ROBO2: variants seen among roughly 807,000 people sequenced by gnomAD.
ROBO2 encodes the protein roundabout homolog 2.
Under a neutral mutation model 160.8 loss-of-function variants are expected in ROBO2, and 53 were observed. That is an observed-to-expected ratio of 0.33 (90% confidence interval 0.26 to 0.41). The LOEUF (loss-of-function observed/expected upper bound fraction) is 0.41. Among genes scored for constraint, ROBO2 ranks in the 10% least tolerant of loss-of-function variants. ROBO2 has a pLI of 1.00. For synonymous variants in ROBO2, 664 were observed against 611.7 expected (o/e 1.09, Z -1.26); for missense variants, 1,577 against 1,722.4 (o/e 0.92, Z 1.49).
intron 2 of ROBO2, among the ~76,000 whole-genome samples, chr3:75,961,408 A>G (rs1253578976): frequency 1.3e-5 from 2 of 151,684 alleles, no homozygotes; most frequent in Non-Finnish European, 3.0e-5. Flanking sequence ...CTGAACTCTG[A>G]TACATTGCTA....
At chr3:77,269,686 A>G (rs2059364189) in intron 2 of ROBO2, among the ~76,000 whole-genome samples, 1 of 152,212 alleles carries the variant, frequency 6.6e-6, no homozygotes, top group Admixed American at 6.5e-5. Flanking sequence ...ACTTTCCCGC[A>G]TATACCATAT....
intron 2 of ROBO2, among the ~76,000 whole-genome samples, chr3:76,216,832 TCCACCCAA>T (rs942467847): frequency 6.6e-6 from 1 of 152,106 alleles, no homozygotes; most frequent in African/African-American, 2.4e-5. Flanking sequence ...TACAGAACTC[TCCACCCAA>T]AATCAACAGA....
At chr3:76,948,668 A>T (rs2078722986) in intron 2 of ROBO2, among the ~76,000 whole-genome samples, 1 of 139,098 alleles carries the variant, frequency 7.2e-6, no homozygotes, top group Admixed American at 7.5e-5. Flanking sequence ...GTTGTACTTA[A>T]TCTGATGTTC....
In ROBO2 at chr3:77,499,294, A is replaced by G. The variant is rs544267251; in HGVS notation, c.806+5912A>G. On this transcript the variant is annotated intron_variant, in intron 5 of 25. Transcript: ENST00000461745. ...AAGCTATTTAAACTCTATGTTTTAC[A>G]TCCTGAAAATATGGCCCAGCAATGT... is the stretch of plus-strand genomic sequence containing the variant. 8.5e-5 allele frequency among the ~76,000 whole-genome samples: 13 copies of G among 152,338 alleles called. No homozygotes were observed. In the South Asian group the frequency reaches 2.5e-3, roughly 29 times the overall value.
At chr3:76,815,371 T>C (rs1302563957) in intron 2 of ROBO2, among the ~76,000 whole-genome samples, 1 of 151,800 alleles carries the variant, frequency 6.6e-6, no homozygotes, top group Non-Finnish European at 1.5e-5. Context: ...ATTTTAAACC[T>C]AATTGTGCAC....
intron 2 of ROBO2, among the ~76,000 whole-genome samples, chr3:76,137,639 G>T (rs966273782): frequency 6.6e-6 from 1 of 151,628 alleles, no homozygotes; most frequent in East Asian, 1.9e-4. Flanking sequence ...AAAGGGTAAA[G>T]GGTTTTAAGA....
intron 2 of ROBO2, among the ~76,000 whole-genome samples, chr3:77,249,834 C>T (rs2153289640): frequency 6.6e-6 from 1 of 150,970 alleles, no homozygotes; most frequent in Non-Finnish European, 1.5e-5. Context: ...TTATATAGGA[C>T]CCATATGCAT....
At chr3:76,950,678 C>A (rs1015687278) in intron 2 of ROBO2, among the ~76,000 whole-genome samples, 1 of 152,064 alleles carries the variant, frequency 6.6e-6, no homozygotes, top group African/African-American at 2.4e-5. Context: ...TACATCCTCC[C>A]TGGTTATAAC....
At chr3:75,995,816 G>C (rs1369424403) in intron 2 of ROBO2, among the ~76,000 whole-genome samples, 4 of 152,360 alleles carry the variant, frequency 2.6e-5, no homozygotes, top group Non-Finnish European at 2.9e-5. Context: ...TTGCATCAGT[G>C]TGTCCTGGAG....
intron 1 of ROBO2, among the ~76,000 whole-genome samples, chr3:75,919,677 TG>T: frequency 6.6e-6 from 1 of 152,284 alleles, no homozygotes; most frequent in East Asian, 1.9e-4. Context: ...GGGCTTTTTT[TG>T]GTTGGTAGGC....
chr3:76,499,850 A>G (rs907110412), intron 2 of ROBO2, among the ~76,000 whole-genome samples: 12 of 152,156 alleles, frequency 7.9e-5, no homozygotes, highest in Admixed American at 5.9e-4. Flanking sequence ...TTTACAGACT[A>G]TGAATTCTCC....
intron 2 of ROBO2, among the ~76,000 whole-genome samples, chr3:76,657,184 G>C (rs1268900041): frequency 6.6e-6 from 1 of 151,874 alleles, no homozygotes; most frequent in Non-Finnish European, 1.5e-5. Context: ...CCAGCACTTT[G>C]GGAAGCCGAG....
At chr3:76,599,404 T>C (rs1174182648) in intron 2 of ROBO2, among the ~76,000 whole-genome samples, 4 of 152,226 alleles carry the variant, frequency 2.6e-5, no homozygotes, top group African/African-American at 9.6e-5. Flanking sequence ...GGACATAATC[T>C]TGTTCTTTTT....
chr3:76,029,221 G>T (rs1322917517), intron 2 of ROBO2, among the ~76,000 whole-genome samples: 1 of 151,906 alleles, frequency 6.6e-6, no homozygotes, highest in African/African-American at 2.4e-5. Context: ...AATTAAAAAT[G>T]GAAGTTAACA....
chr3:77,101,715 G>C (rs1230046412), intron 2 of ROBO2, among the ~76,000 whole-genome samples: 4 of 152,088 alleles, frequency 2.6e-5, no homozygotes, highest in African/African-American at 4.8e-5. Flanking sequence ...GCAGTGAAGT[G>C]GCAAGAATAA....
chr3:76,757,833 C>T (rs1019438176), intron 2 of ROBO2, among the ~76,000 whole-genome samples: 8 of 151,532 alleles, frequency 5.3e-5, no homozygotes, highest in African/African-American at 1.9e-4. Flanking sequence ...AGGACTAAAA[C>T]TTGAGTTAAC....
intron 18 of ROBO2, 127 bp from the exon 20 acceptor site, chr3:77,596,496 A>G (rs1477870669): frequency 8.7e-7 from 1 of 1,150,868 alleles, no homozygotes; most frequent in Non-Finnish European, 1.3e-6. Flanking sequence ...AATTCCAGGG[A>G]GTCTACTTAT....
At chr3:76,854,257 CT>C (rs1454130076) in intron 2 of ROBO2, among the ~76,000 whole-genome samples, 2 of 151,998 alleles carry the variant, frequency 1.3e-5, no homozygotes, top group African/African-American at 4.8e-5. Flanking sequence ...ATATAACCTG[CT>C]CCCTATTAAT....
At position 76,630,121 on chromosome 3, in the gene ROBO2, G is replaced by A. The variant is rs142535393; in HGVS notation, c.110-467893G>A. ...TGTCATTTTGTTATAATGTTGATGAGAGAAAACATTGATTACTGGCTAGGG... is the reference window on the plus strand; with the variant it reads ...TGTCATTTTGTTATAATGTTGATGAAAGAAAACATTGATTACTGGCTAGGG... On this transcript the variant is annotated intron_variant, in intron 2 of 26. Coordinates refer to the ROBO2 transcript ENST00000487694. 1.9e-4 allele frequency among the ~76,000 whole-genome samples: 29 copies of A among 152,324 alleles called. No homozygotes were observed. In the East Asian group the frequency reaches 5.4e-3, roughly 28 times the overall value.
Sources: allele counts gnomAD v4.1 joint callset (sites outside exome capture counted in the v4.1 genomes callset), GRCh38; gene constraint gnomAD v4.1.1; transcripts MANE v1.5; gene names NCBI Gene and HGNC (gene_info 2026-07-23, HGNC 2026-07-21).